Variants in CA10 observed in about 807,000 individuals in gnomAD.
CA10 encodes the protein carbonic anhydrase 10 (inactive).
A neutral mutation model predicts 44.2 loss-of-function variants in CA10; 14 were observed. The observed-to-expected ratio is 0.32, with a 90% CI of 0.21 to 0.50. The LOEUF (loss-of-function observed/expected upper bound fraction) is 0.50, where lower values mean the gene tolerates loss of function less well. Ranked by LOEUF, CA10 falls within the 20% of genes least tolerant of loss-of-function variation. The pLI is 0.99. For missense variants in CA10, 350 were observed against 409.7 expected, an observed-to-expected ratio of 0.85 and a Z score of 1.26; for synonymous variants, 159 against 141.6, an observed-to-expected ratio of 1.12 and a Z score of -0.87.
chr17:51,781,665 T>C (rs952590329), intron 3 of CA10, among the ~76,000 whole-genome samples: 1 of 152,228 alleles, frequency 6.6e-6, no homozygotes, highest in African/African-American at 2.4e-5. Context: ...GAATGGCTAA[T>C]AAAGATGTCT....
At chr17:51,934,661 T>C (rs891382879) in intron 2 of CA10, among the ~76,000 whole-genome samples, 1 of 151,948 alleles carries the variant, frequency 6.6e-6, no homozygotes, top group African/African-American at 2.4e-5. Flanking sequence ...GGCGATGTGT[T>C]TGGGTCCCAT....
intron 4 of CA10, among the ~76,000 whole-genome samples, chr17:51,699,647 T>A (rs537828697): frequency 6.6e-6 from 1 of 152,354 alleles, no homozygotes; most frequent in Admixed American, 6.5e-5. Flanking sequence ...GGTAGACTGC[T>A]GTTCCCTTTG....
intron 1 of CA10, among the ~76,000 whole-genome samples, chr17:52,143,105 A>ATTTG: frequency 6.6e-6 from 1 of 152,324 alleles, no homozygotes; most frequent in Admixed American, 6.5e-5. Context: ...GATTAATAAT[A>ATTTG]AAATATTTGT....
intron 4 of CA10, among the ~76,000 whole-genome samples, chr17:51,690,920 T>A (rs552682262): frequency 1.8e-3 from 267 of 151,726 alleles, no homozygotes; most frequent in African/African-American, 6.2e-3. Flanking sequence ...CCTTTTTTTT[T>A]AAGGCTGAGT....
chr17:51,869,004 A>T (rs1217618926), intron 3 of CA10, among the ~76,000 whole-genome samples: 1 of 152,000 alleles, frequency 6.6e-6, no homozygotes, highest in East Asian at 1.9e-4. Flanking sequence ...TTTGATGAAA[A>T]CGTATTACTT....
chr17:51,872,351 T>A (rs1257336650), intron 3 of CA10, among the ~76,000 whole-genome samples: 1 of 152,140 alleles, frequency 6.6e-6, no homozygotes, highest in Non-Finnish European at 1.5e-5. Context: ...TAAAAGTTTG[T>A]CTCTCCTTCG....
At chr17:52,135,950 T>G (rs1452037001) in intron 1 of CA10, among the ~76,000 whole-genome samples, 1 of 152,200 alleles carries the variant, frequency 6.6e-6, no homozygotes, top group Non-Finnish European at 1.5e-5. Flanking sequence ...TGACTTTATA[T>G]CAGGTCCCCT....
chr17:51,885,965 A>G (rs1283532235), intron 3 of CA10, among the ~76,000 whole-genome samples: 1 of 152,250 alleles, frequency 6.6e-6, no homozygotes, highest in Non-Finnish European at 1.5e-5. Flanking sequence ...GTTTCTAACT[A>G]AGGCATTTTG....
chr17:52,132,934 G>T (rs1989273446), intron 1 of CA10, among the ~76,000 whole-genome samples: 1 of 152,150 alleles, frequency 6.6e-6, no homozygotes, highest in South Asian at 2.1e-4. Context: ...CTAATATATG[G>T]GGTGGAATTA....
At chr17:52,006,544 C>T (rs550455148) in intron 2 of CA10, among the ~76,000 whole-genome samples, 2 of 151,830 alleles carry the variant, frequency 1.3e-5, no homozygotes, top group South Asian at 2.1e-4. Context: ...TAGAGGTAAT[C>T]AAGGTCCCAA....
chr17:52,001,178 T>C (rs1188981974), intron 2 of CA10, among the ~76,000 whole-genome samples: 1 of 151,986 alleles, frequency 6.6e-6, no homozygotes, highest in Non-Finnish European at 1.5e-5. Flanking sequence ...CTGTGTGGCC[T>C]ATGAGGTAAG....
At chr17:51,898,460 T>G in intron 3 of CA10, among the ~76,000 whole-genome samples, 1 of 152,108 alleles carries the variant, frequency 6.6e-6, no homozygotes, top group East Asian at 1.9e-4. Context: ...TGCCAGTATT[T>G]TGTTGACGAT....
chr17:52,088,373 T>TG (rs1181640014), intron 1 of CA10, among the ~76,000 whole-genome samples: 13 of 151,802 alleles, frequency 8.6e-5, no homozygotes, highest in African/African-American at 2.7e-4. Context: ...ACCTAAGAAA[T>TG]GTGTAACAAT....
intron 2 of CA10, among the ~76,000 whole-genome samples, chr17:51,956,300 G>T (rs1983663199): frequency 6.6e-6 from 1 of 151,912 alleles, no homozygotes; most frequent in African/African-American, 2.4e-5. Flanking sequence ...TGGTTAATTG[G>T]CCTGCTTTTA....
intron 2 of CA10, among the ~76,000 whole-genome samples, chr17:51,997,052 A>G (rs1358667159): frequency 6.6e-6 from 1 of 152,046 alleles, no homozygotes; most frequent in African/African-American, 2.4e-5. Context: ...AAGCTTCATG[A>G]CTTTCAATCC....
intron 4 of CA10, among the ~76,000 whole-genome samples, chr17:51,741,074 A>G (rs948171558): frequency 1.3e-5 from 2 of 152,260 alleles, no homozygotes; most frequent in Non-Finnish European, 2.9e-5. Flanking sequence ...GTAGCACATA[A>G]TAGACAATCA....
At chr17:51,649,828 C>T (rs936645099) in intron 5 of CA10, among the ~76,000 whole-genome samples, 5 of 145,370 alleles carry the variant, frequency 3.4e-5, no homozygotes, top group East Asian at 2.0e-4. Flanking sequence ...AATTCATCTA[C>T]GTAGAGGGTG....
intron 4 of CA10, among the ~76,000 whole-genome samples, chr17:51,665,249 T>A (rs893791186): frequency 5.3e-5 from 8 of 152,176 alleles, no homozygotes; most frequent in African/African-American, 1.9e-4. Context: ...CACACACTGG[T>A]TTATTTCAAA....
chr17:52,059,217 T>A (rs1987309747), intron 2 of CA10, among the ~76,000 whole-genome samples: 1 of 152,172 alleles, frequency 6.6e-6, no homozygotes, highest in Admixed American at 6.5e-5. Context: ...GAAATCAATA[T>A]TCTATTCCTT....
Sources: gnomAD v4.1 joint callset for allele counts (sites outside exome capture counted in the v4.1 genomes callset) on GRCh38, gnomAD v4.1.1 for gene constraint, MANE v1.5 for transcripts, NCBI Gene and HGNC (gene_info 2026-07-23, HGNC 2026-07-21) for gene names.